Variants in BRSK1 observed in about 807,000 individuals in gnomAD.
BRSK1 encodes the protein serine/threonine-protein kinase BRSK1.
BRSK1 carries 17 observed loss-of-function variants against 86.2 expected under a neutral mutation model. The observed-to-expected ratio is 0.20, with a 90% confidence interval of 0.14 to 0.30. The LOEUF is 0.30. BRSK1 is among the 10% of genes least tolerant of loss of function. BRSK1 has a pLI of 1.00. For missense variants in BRSK1, 719 were observed against 1,071.9 expected, an observed-to-expected ratio of 0.67 and a Z score of 4.60; for synonymous variants, 464 against 440.1, an observed-to-expected ratio of 1.05 and a Z score of -0.68.
In BRSK1 at chr19:55,284,134, G is replaced by A. The variant is rs2088272143; in HGVS notation, c.-309G>A. 8.5e-7 allele frequency: 1 copy of A among 1,175,720 alleles called. No individual in the cohort carries two copies. The allele number at this position is 1,175,720 out of a possible 1,614,324, so 72.8% of individuals were successfully genotyped here. ...GCAGCATCCGCCGGCCCGCACCTCA[G>A]ACCCCCCCGGCGGGGGGAGGCGCAG... On this transcript the variant is annotated 5_prime_UTR_variant, in exon 1 of 19. Transcript: ENST00000309383.
Position 55,303,422 on chromosome 19 carries a change from G to A in BRSK1, c.1126+14G>A, listed in dbSNP as rs2088601318. ...GGAATGATGTTGGTGAGAAGGCAGG[G>A]CTAGGGGACCAGACACCTGGGTCTC... On this transcript the variant is annotated intron_variant, in intron 11 of 18. Transcript: ENST00000309383. This position sits in a 1 kb window ranked among gnomAD's most constrained non-coding sequence, Gnocchi z 5.1. The A allele has an allele frequency of 6.2e-7, 1 of 1,611,064 alleles. No individual in the cohort carries two copies. Among genetic ancestry groups the A allele is most frequent in the South Asian group, 1.1e-5 (1 of 91,010 alleles).
At chr19:55,289,063 G>A (rs1276983214) in intron 3 of BRSK1, among the ~76,000 whole-genome samples, 1 of 152,176 alleles carries the variant, frequency 6.6e-6, no homozygotes, top group African/African-American at 2.4e-5. Context: ...ATAGGAGTAG[G>A]GGTATCTTCA....
chr19:55,295,466 T>C (rs1568982904), intron 7 of BRSK1, among the ~76,000 whole-genome samples: 1 of 152,160 alleles, frequency 6.6e-6, no homozygotes, highest in Non-Finnish European at 1.5e-5. Flanking sequence ...GATACTACAT[T>C]AACCAACAGA....
rs2088272945 is a variant in BRSK1, at chr19:55,284,166, G to C, written c.-277G>C. 1.9e-6 allele frequency: 2 copies of C among 1,056,926 alleles called. No homozygotes were observed. The highest frequency in any genetic ancestry group is 2.4e-6 in the Non-Finnish European group (2 of 829,890). 65.5% of individuals were successfully genotyped at this position (1,056,926 alleles called of 1,614,324 possible). A position where few individuals can be genotyped will look rare whatever the true frequency, so the allele number is the denominator to read the frequency against. ...CCGGCGGGGGGAGGCGCAGGAAGCG[G>C]GGGGCCGGCCAGAAACGGGCTGGGG... On this transcript the variant is annotated 5_prime_UTR_variant, in exon 1 of 19. Coordinates refer to ENST00000309383, the MANE Select transcript of BRSK1 (RefSeq NM_032430.2).
rs200745300 is a variant in BRSK1, at chr19:55,304,543, C to G, written c.1348-8C>G. 1.3e-6 allele frequency: 2 copies of G among 1,571,832 alleles called. No individual in the cohort carries two copies. Among genetic ancestry groups the G allele is most frequent in the Non-Finnish European group, 1.7e-6 (2 of 1,163,264 alleles). ...CACTCGCTTATCTCAGTCTCCTGTCCTCTGCAGAGTCCGGTCTTTTCCTTT... is the reference window on the plus strand; with the variant it reads ...CACTCGCTTATCTCAGTCTCCTGTCGTCTGCAGAGTCCGGTCTTTTCCTTT... On this transcript the variant is annotated splice_region_variant and splice_polypyrimidine_tract_variant and intron_variant, in intron 13 of 18. Transcript: ENST00000309383. The surrounding 1 kb of genome is among the most constrained non-coding windows in gnomAD (Gnocchi z 5.2).
In BRSK1 at chr19:55,284,488, C is replaced by CACCA; in HGVS notation, c.49_50insAACC (p.Leu17GlnfsTer34). The CACCA allele has an allele frequency of 3.3e-6, 4 of 1,205,240 alleles. No homozygotes were observed. Among genetic ancestry groups the CACCA allele is most frequent in the Non-Finnish European group, 4.4e-6 (4 of 907,312 alleles). The allele number at this position is 1,205,240 out of a possible 1,614,324, so 74.7% of individuals were successfully genotyped here. A position where few individuals can be genotyped will look rare whatever the true frequency, so the allele number is the denominator to read the frequency against. On this transcript the variant is annotated frameshift_variant, in exon 1 of 19. Transcript: ENST00000309383. LOFTEE classifies it high-confidence loss of function. ...GGGAGGTGGGGGCTCTCCCGCCTACCACCTCCCCCACCCCCACCCCCACCC... is the reference window on the plus strand; with the variant it reads ...GGGAGGTGGGGGCTCTCCCGCCTACCACCAACCTCCCCCACCCCCACCCCCACCC...
At chr19:55,311,857 G>A (rs2088805288) in intron 18 of BRSK1, 54 bp from the exon 19 acceptor site, 1 of 1,585,354 alleles carries the variant, frequency 6.3e-7, no homozygotes, top group South Asian at 1.1e-5. Context: ...CCTGGTAATG[G>A]GAACCCCAAC....
Position 55,284,177 on chromosome 19 carries a change from A to G in BRSK1, c.-266A>G, listed in dbSNP as rs2088273070. 2.3e-6 allele frequency: 2 copies of G among 877,866 alleles called. No homozygotes were observed. The highest frequency in any genetic ancestry group is 5.7e-5 in the South Asian group (1 of 17,570). 54.4% of individuals were successfully genotyped at this position (877,866 alleles called of 1,614,324 possible). On this transcript the variant is annotated 5_prime_UTR_variant, in exon 1 of 19. Coordinates refer to ENST00000309383, the MANE Select transcript of BRSK1 (RefSeq NM_032430.2). ...AGGCGCAGGAAGCGGGGGGCCGGCC[A>G]GAAACGGGCTGGGGAGGGGGGGCCC... is the stretch of plus-strand genomic sequence containing the variant.
chr19:55,294,729 T>A lies in BRSK1; in HGVS notation c.678+332T>A, dbSNP rs888915551. ...ATTGGCCAGGCTGGTCTCCAACTCC[T>A]GACCTCAGGTGATCCACCTGCCTCT... On this transcript the variant is annotated intron_variant, in intron 7 of 18. Coordinates refer to ENST00000309383, the MANE Select transcript of BRSK1 (RefSeq NM_032430.2). The surrounding 1 kb of genome is among the most constrained non-coding windows in gnomAD (Gnocchi z 4.9). Among the ~76,000 whole-genome samples the A allele has an allele frequency of 2.0e-5, 3 of 152,144 alleles. No individual in the cohort carries two copies. Among genetic ancestry groups the A allele is most frequent in the Non-Finnish European group, 4.4e-5 (3 of 68,018 alleles).
chr19:55,307,200 T>C (rs891924827), intron 17 of BRSK1, among the ~76,000 whole-genome samples: 14 of 152,246 alleles, frequency 9.2e-5, no homozygotes, highest in African/African-American at 3.4e-4. Flanking sequence ...ACCAAACGGC[T>C]GTGGAACTGT....
Position 55,303,461 on chromosome 19 carries a change from G to C in BRSK1, c.1126+53G>C. The C allele has an allele frequency of 6.3e-7, 1 of 1,574,912 alleles. No individual in the cohort carries two copies. The highest frequency in any genetic ancestry group is 1.7e-5 in the Admixed American group (1 of 59,830). On this transcript the variant is annotated intron_variant, in intron 11 of 18. Coordinates refer to ENST00000309383, the MANE Select transcript of BRSK1 (RefSeq NM_032430.2). The surrounding 1 kb of genome is among the most constrained non-coding windows in gnomAD (Gnocchi z 5.1). ...CACCTGGGTCTCGAGATTGGAAGAG[G>C]CTGGCCACGGGGACCCCAGATTCCC...
In BRSK1 at chr19:55,306,585, C is replaced by G; in HGVS notation, c.2089+135C>G. Reference sequence around the variant, plus strand: ...GCTGGTGCCGACTCTCTGTGCTCCTCCTGCCCACACAGACCGCCCCACAAG... The same window carrying G: ...GCTGGTGCCGACTCTCTGTGCTCCTGCTGCCCACACAGACCGCCCCACAAG... On this transcript the variant is annotated intron_variant, in intron 17 of 18. Transcript: ENST00000309383. The surrounding 1 kb of genome is among the most constrained non-coding windows in gnomAD (Gnocchi z 4.7). 6 of 988,038 alleles carry G rather than the reference C, an allele frequency of 6.1e-6. No individual in the cohort carries two copies. The South Asian group carries it at 9.3e-5, about 15-fold the overall frequency. The allele number at this position is 988,038 out of a possible 1,614,324, so 61.2% of individuals were successfully genotyped here.
rs370612105 is a variant in BRSK1, at chr19:55,304,177, T to G, written c.1347+67T>G. The G allele has an allele frequency of 5.8e-5, 84 of 1,445,872 alleles. No individual in the cohort carries two copies. The African/African-American group carries it at 1.1e-3, about 19-fold the overall frequency. The allele number at this position is 1,445,872 out of a possible 1,614,324, so 89.6% of individuals were successfully genotyped here. On this transcript the variant is annotated intron_variant, in intron 13 of 18. Transcript: ENST00000309383. The surrounding 1 kb of genome is among the most constrained non-coding windows in gnomAD (Gnocchi z 5.2). ...GTGGAGACATGGAGCAAAGATTGAGTAGCAGAAACTACAATTCCTGTGCAG... is the reference window on the plus strand; with the variant it reads ...GTGGAGACATGGAGCAAAGATTGAGGAGCAGAAACTACAATTCCTGTGCAG...
chr19:55,292,615 C>T (rs2088424483), intron 4 of BRSK1, among the ~76,000 whole-genome samples: 1 of 151,772 alleles, frequency 6.6e-6, no homozygotes, highest in African/African-American at 2.4e-5. Context: ...AGGTGGATTA[C>T]CTGACGTGAA....
Position 55,284,154 on chromosome 19 carries a change from G to A in BRSK1, c.-289G>A. ...CCTCAGACCCCCCCGGCGGGGGGAGGCGCAGGAAGCGGGGGGCCGGCCAGA... is the reference window on the plus strand; with the variant it reads ...CCTCAGACCCCCCCGGCGGGGGGAGACGCAGGAAGCGGGGGGCCGGCCAGA... On this transcript the variant is annotated 5_prime_UTR_variant, in exon 1 of 19. Transcript: ENST00000309383. The A allele has an allele frequency of 9.1e-7, 1 of 1,103,340 alleles. No individual in the cohort carries two copies. The highest frequency in any genetic ancestry group is 1.1e-6 in the Non-Finnish European group (1 of 872,320). The allele number at this position is 1,103,340 out of a possible 1,614,324, so 68.3% of individuals were successfully genotyped here. A position where few individuals can be genotyped will look rare whatever the true frequency, so the allele number is the denominator to read the frequency against.
chr19:55,294,438 C>G lies in BRSK1; in HGVS notation c.678+41C>G, dbSNP rs766285203. ...CTCTCCTGTCATTTCTAGATCAATC[C>G]CACCTGGTGGGAGCATAGGACAGTA... On this transcript the variant is annotated intron_variant, in intron 7 of 18. Transcript: ENST00000309383. This position sits in a 1 kb window ranked among gnomAD's most constrained non-coding sequence, Gnocchi z 4.9. 2.1e-5 allele frequency: 33 copies of G among 1,606,276 alleles called. No individual in the cohort carries two copies. The highest frequency in any genetic ancestry group is 2.7e-5 in the Non-Finnish European group (32 of 1,175,514).
At chr19:55,286,385 T>C (rs1390344454) in intron 1 of BRSK1, among the ~76,000 whole-genome samples, 1 of 151,520 alleles carries the variant, frequency 6.6e-6, no homozygotes, top group East Asian at 1.9e-4. Context: ...AGACCGGACA[T>C]ACCCTTGGTG....
chr19:55,295,242 C>T (rs924287177), intron 7 of BRSK1, among the ~76,000 whole-genome samples: 2 of 152,164 alleles, frequency 1.3e-5, no homozygotes, highest in Non-Finnish European at 2.9e-5. Context: ...CCCGCCTCAG[C>T]CTCCCGAGCA....
chr19:55,311,530 T>TC (rs1487014081), intron 18 of BRSK1, among the ~76,000 whole-genome samples: 6 of 150,708 alleles, frequency 4.0e-5, no homozygotes, highest in African/African-American at 1.5e-4. Context: ...TAGGAGAGAG[T>TC]CGGGGGGCCC....
Sources: allele counts gnomAD v4.1 joint callset (sites outside exome capture counted in the v4.1 genomes callset), GRCh38; gene constraint gnomAD v4.1.1; non-coding constraint Gnocchi (gnomAD v3.1); transcripts MANE v1.5; gene names NCBI Gene and HGNC (gene_info 2026-07-23, HGNC 2026-07-21).